The following OPHN1 variants were observed in gnomAD, a reference collection of about 807,000 sequenced individuals.
OPHN1 encodes oligophrenin 1, also known as oligophrenin-1.
Under a neutral mutation model 60.7 loss-of-function variants are expected in OPHN1, and 11 were observed. The ratio of observed to expected loss-of-function variants is 0.18; its 90% CI spans 0.11 to 0.30. The LOEUF is 0.30. Ranked by LOEUF, OPHN1 falls within the 10% of genes least tolerant of loss-of-function variation. The pLI is 1.00. For synonymous variants in OPHN1, 226 were observed against 222.6 expected, an observed-to-expected ratio of 1.02 and a Z score of -0.14; for missense variants, 449 against 611.0, an observed-to-expected ratio of 0.73 and a Z score of 2.80.
At chrX:68,239,697 ATATAAT>A (rs1039698161) in intron 5 of OPHN1, among the ~76,000 whole-genome samples, 7 of 112,088 alleles carry the variant, frequency 6.2e-5, no homozygotes, top group African/African-American at 2.3e-4. Flanking sequence ...TTTCCCAGTT[ATATAAT>A]TATATCATCT....
At chrX:68,342,497 T>C (rs1192705881) in intron 2 of OPHN1, among the ~76,000 whole-genome samples, 1 of 112,384 alleles carries the variant, frequency 8.9e-6, no homozygotes, top group Non-Finnish European at 1.9e-5. Context: ...TTCATCATAC[T>C]ATTCTCTCTA....
intron 2 of OPHN1, among the ~76,000 whole-genome samples, chrX:68,407,250 T>C (rs778940875): frequency 1.8e-5 from 2 of 112,073 alleles, no homozygotes; most frequent in African/African-American, 6.5e-5. Context: ...AATAAAGTAG[T>C]TAATGGTCCA....
At chrX:68,203,691 C>T (rs1047290139) in intron 10 of OPHN1, among the ~76,000 whole-genome samples, 2 of 112,104 alleles carry the variant, frequency 1.8e-5, no homozygotes, top group African/African-American at 6.5e-5. Flanking sequence ...TGACTGCTCA[C>T]CTGTTTAATG....
Position 68,053,662 on chromosome X carries a change from C to A in OPHN1, c.2307G>T (p.Gly769=), listed in dbSNP as rs748176965. ...CTACTTACACAGATGATGTGATTTC[C>A]CCCGCATTGCCAGCCACAATATCTG... is the stretch of plus-strand genomic sequence containing the variant. ...PKPDIVAGNA[G]EITSSVVASR... Residue 769 remains glycine, a synonymous_variant, in exon 22 of 25, where the codon GGG becomes GGT. Coordinates refer to ENST00000355520, the MANE Select transcript of OPHN1 (RefSeq NM_002547.3). 1 of 1,211,183 alleles carries A rather than the reference C, an allele frequency of 8.3e-7. No homozygotes were observed. Among genetic ancestry groups the A allele is most frequent in the Non-Finnish European group, 1.1e-6 (1 of 895,339 alleles).
At chrX:68,156,034 T>A (rs913933695) in intron 15 of OPHN1, among the ~76,000 whole-genome samples, 1 of 111,373 alleles carries the variant, frequency 9.0e-6, no homozygotes, top group Non-Finnish European at 1.9e-5. Context: ...AGAAAATGTG[T>A]CAGCATCATC....
chrX:68,201,680 C>T lies in OPHN1; in HGVS notation c.964G>A (p.Val322Met). 8.3e-7 allele frequency: 1 copy of T among 1,209,906 alleles called. No homozygotes were observed. Among genetic ancestry groups the T allele is most frequent in the Non-Finnish European group, 1.1e-6 (1 of 893,910 alleles). ...TCGATAGACTCCGTCTTCCTTCTCA[C>T]ACAGTACTTCAGTGTTAAGTCCAAG... ...GPLDLTLKYC[V>M]RRKTESIDKR... Residue 322 changes from valine to methionine, a missense_variant, in exon 11 of 25, where the codon GTG (valine) becomes ATG (methionine). Transcript: ENST00000355520.
At chrX:68,224,016 A>G (rs919870484) in intron 6 of OPHN1, among the ~76,000 whole-genome samples, 1 of 111,621 alleles carries the variant, frequency 9.0e-6, no homozygotes, top group African/African-American at 3.3e-5. Context: ...GGAGACTTCA[A>G]TACTCCTCTA....
intron 3 of OPHN1, among the ~76,000 whole-genome samples, chrX:68,285,328 C>A (rs1013166711): frequency 1.8e-5 from 2 of 111,273 alleles, no homozygotes; most frequent in African/African-American, 3.3e-5. Flanking sequence ...GATTTGATAT[C>A]TTTGTTCTTT....
intron 6 of OPHN1, 40 bp downstream of exon 6, chrX:68,234,447 A>C: frequency 2.0e-6 from 2 of 991,911 alleles, no homozygotes; most frequent in African/African-American, 1.9e-5. Flanking sequence ...TCTAAGGCAT[A>C]GCTAGCAATG....
rs555315695 is a variant in OPHN1, at chrX:68,413,419, C to A, written c.154+19448G>T. Among the ~76,000 whole-genome samples the A allele has an allele frequency of 1.5e-4, 17 of 111,211 alleles. 2 individuals carry two copies. The South Asian group carries it at 3.4e-3, about 22-fold the overall frequency. ...GATACAGTGCTGGAAAAGAAGATATCCCTCTACACCCACACCCACATGTTA... is the reference window on the plus strand; with the variant it reads ...GATACAGTGCTGGAAAAGAAGATATACCTCTACACCCACACCCACATGTTA... On this transcript the variant is annotated intron_variant, in intron 2 of 24. Coordinates refer to ENST00000355520, the MANE Select transcript of OPHN1 (RefSeq NM_002547.3).
At chrX:68,309,655 A>G (rs368893879) in intron 2 of OPHN1, among the ~76,000 whole-genome samples, 99 of 112,575 alleles carry the variant, frequency 8.8e-4, no homozygotes, top group African/African-American at 3.0e-3. Context: ...GCAAATAGCT[A>G]TGAAAAATGT....
At chrX:68,371,363 G>A (rs376510062) in intron 2 of OPHN1, among the ~76,000 whole-genome samples, 16 of 109,225 alleles carry the variant, frequency 1.5e-4, no homozygotes, top group African/African-American at 4.7e-4. Context: ...GACTATAGGC[G>A]TGAGCCACCA....
At chrX:68,225,184 G>A (rs750806128) in intron 6 of OPHN1, among the ~76,000 whole-genome samples, 4 of 111,856 alleles carry the variant, frequency 3.6e-5, no homozygotes, top group Admixed American at 1.9e-4. Flanking sequence ...AGGGTCGTCC[G>A]CCATTACTGA....
intron 19 of OPHN1, among the ~76,000 whole-genome samples, chrX:68,083,096 C>T (rs1475124680): frequency 4.8e-5 from 3 of 62,500 alleles, no homozygotes; most frequent in African/African-American, 6.7e-5. Context: ...GACGGAGTCT[C>T]GCTCTGTCGC....
chrX:68,346,482 T>C (rs1445916977), intron 2 of OPHN1, among the ~76,000 whole-genome samples: 2 of 112,211 alleles, frequency 1.8e-5, no homozygotes, highest in African/African-American at 3.2e-5. Context: ...GTCTGTAGTA[T>C]ACAACAATCT....
At chrX:68,167,565 A>G (rs759125017) in intron 15 of OPHN1, among the ~76,000 whole-genome samples, 8 of 110,488 alleles carry the variant, frequency 7.2e-5, no homozygotes, top group Middle Eastern at 4.7e-3. Flanking sequence ...AGGTATATAT[A>G]TGTACATATG....
chrX:68,049,792 T>A (rs1472979496), intron 23 of OPHN1, among the ~76,000 whole-genome samples: 2 of 112,032 alleles, frequency 1.8e-5, no homozygotes, highest in African/African-American at 6.5e-5. Context: ...CAGCTAAGTT[T>A]CCCTCTTTTC....
intron 5 of OPHN1, among the ~76,000 whole-genome samples, chrX:68,270,696 A>G (rs1490303503): frequency 1.8e-5 from 2 of 109,678 alleles, no homozygotes; most frequent in African/African-American, 3.3e-5. Flanking sequence ...TATGTAACAA[A>G]CCTGCACGTT....
intron 18 of OPHN1, among the ~76,000 whole-genome samples, chrX:68,107,214 T>C (rs1481024893): frequency 8.9e-6 from 1 of 111,763 alleles, no homozygotes; most frequent in East Asian, 2.8e-4. Flanking sequence ...AAGTCTTTTA[T>C]AGCTGCGTTT....
Sources: allele counts gnomAD v4.1 joint callset (sites outside exome capture counted in the v4.1 genomes callset), GRCh38; gene constraint gnomAD v4.1.1; transcripts MANE v1.5; gene names NCBI Gene and HGNC (gene_info 2026-07-23, HGNC 2026-07-21).